Variants in TAFA4 observed in about 807,000 individuals in gnomAD.
TAFA4 encodes TAFA chemokine like family member 4.
In TAFA4, 20 loss-of-function variants were observed where a neutral mutation model predicts 21.1. That is an observed-to-expected ratio of 0.95 (90% confidence interval 0.67 to 1.38). The LOEUF (loss-of-function observed/expected upper bound fraction) is 1.38. Among genes scored for constraint, TAFA4 ranks in the 40% most tolerant of loss-of-function variants. The probability of loss-of-function intolerance (pLI) is 0.00; values close to 1 mark genes in which losing one functional copy is unlikely to be tolerated. For synonymous variants in TAFA4, 71 were observed against 67.4 expected (o/e 1.05, Z -0.26); for missense variants, 211 against 180.9 (o/e 1.17, Z -0.95).
chr3:68,882,324 T>TAAAA (rs11395664), intron 2 of TAFA4, among the ~76,000 whole-genome samples: 1 of 147,030 alleles, frequency 6.8e-6, no homozygotes, highest in Admixed American at 6.8e-5. Flanking sequence ...ATCTGTGCTT[T>TAAAA]AAAAAAAAAA....
At chr3:68,906,675 A>C (rs1255199681) in intron 1 of TAFA4, among the ~76,000 whole-genome samples, 2 of 152,078 alleles carry the variant, frequency 1.3e-5, no homozygotes, top group Non-Finnish European at 2.9e-5. Flanking sequence ...CTGGTGTTTT[A>C]AAGGTGCTGC....
chr3:68,900,477 C>T (rs1467099195), intron 1 of TAFA4, among the ~76,000 whole-genome samples: 17 of 151,976 alleles, frequency 1.1e-4, no homozygotes. Context: ...CTTCTGTCCT[C>T]CACTAAGTTA....
chr3:68,834,017 C>A (rs1176752433), intron 3 of TAFA4, among the ~76,000 whole-genome samples: 1 of 152,184 alleles, frequency 6.6e-6, no homozygotes, highest in African/African-American at 2.4e-5. Flanking sequence ...CTTCATGCTC[C>A]ATTAGCCAGA....
At chr3:68,905,628 G>A (rs1036688608) in intron 1 of TAFA4, among the ~76,000 whole-genome samples, 1 of 152,158 alleles carries the variant, frequency 6.6e-6, no homozygotes, top group Non-Finnish European at 1.5e-5. Context: ...GAGCCTAAAT[G>A]ACAAGGAGGA....
intron 1 of TAFA4, among the ~76,000 whole-genome samples, chr3:68,914,343 A>G (rs2089985235): frequency 6.6e-6 from 1 of 152,174 alleles, no homozygotes; most frequent in Non-Finnish European, 1.5e-5. Flanking sequence ...AGGGTTACAA[A>G]GGACCAATCT....
intron 3 of TAFA4, among the ~76,000 whole-genome samples, chr3:68,786,542 T>C (rs1703265836): frequency 6.6e-6 from 1 of 152,268 alleles, no homozygotes; most frequent in Non-Finnish European, 1.5e-5. Context: ...TAAATGTTTA[T>C]ATACACTTTC....
At chr3:68,801,610 C>T (rs1203653572) in intron 3 of TAFA4, among the ~76,000 whole-genome samples, 3 of 152,320 alleles carry the variant, frequency 2.0e-5, no homozygotes, top group East Asian at 3.9e-4. Flanking sequence ...CGTGGCAATT[C>T]ATTTAGGTCT....
chr3:68,748,189 A>C (rs988771145), intron 4 of TAFA4, among the ~76,000 whole-genome samples: 1 of 152,262 alleles, frequency 6.6e-6, no homozygotes, highest in East Asian at 1.9e-4. Flanking sequence ...GGTCAGGCAC[A>C]AAGGTGCCAA....
At chr3:68,846,726 T>C (rs931434404) in intron 3 of TAFA4, among the ~76,000 whole-genome samples, 3 of 152,174 alleles carry the variant, frequency 2.0e-5, no homozygotes, top group African/African-American at 7.2e-5. Flanking sequence ...TTTTTGTTGA[T>C]GTTGATGCTA....
chr3:68,898,789 CA>C (rs1213413922), intron 1 of TAFA4, among the ~76,000 whole-genome samples: 1 of 152,118 alleles, frequency 6.6e-6, no homozygotes, highest in East Asian at 1.9e-4. Context: ...CTCTGTTTAA[CA>C]GGAGAGAAAA....
At chr3:68,852,721 A>T (rs1457125122) in intron 3 of TAFA4, among the ~76,000 whole-genome samples, 1 of 152,306 alleles carries the variant, frequency 6.6e-6, no homozygotes, top group Non-Finnish European at 1.5e-5. Flanking sequence ...CTAGCCTTAA[A>T]TCCTTAGTCA....
At position 68,838,181 on chromosome 3, in the gene TAFA4, A is replaced by T. The variant is rs189617222; in HGVS notation, c.130+42549T>A. Reference sequence around the variant, plus strand: ...AGAAAGTAACAGCAAAAAACCCAATAACTTTTGCACCAACCTAATAAAATA... The same window carrying T: ...AGAAAGTAACAGCAAAAAACCCAATTACTTTTGCACCAACCTAATAAAATA... On this transcript the variant is annotated intron_variant, in intron 3 of 5. Coordinates refer to ENST00000295569, the MANE Select transcript of TAFA4 (RefSeq NM_182522.5). Among the ~76,000 whole-genome samples the T allele has an allele frequency of 1.8e-3, 279 of 152,278 alleles. 2 individuals carry two copies. Among genetic ancestry groups the T allele is most frequent in the African/African-American group, 6.5e-3 (268 of 41,550 alleles).
At chr3:68,854,986 T>C (rs1349420847) in intron 3 of TAFA4, among the ~76,000 whole-genome samples, 1 of 152,140 alleles carries the variant, frequency 6.6e-6, no homozygotes, top group Non-Finnish European at 1.5e-5. Flanking sequence ...ACACCCTTGG[T>C]TCCAAACCCA....
chr3:68,861,360 G>A (rs577544429), intron 3 of TAFA4, among the ~76,000 whole-genome samples: 123 of 151,868 alleles, frequency 8.1e-4, no homozygotes, highest in African/African-American at 2.9e-3. Flanking sequence ...ACAGGCTGCA[G>A]GAAAAATTAC....
intron 3 of TAFA4, among the ~76,000 whole-genome samples, chr3:68,840,288 G>A (rs998278203): frequency 6.6e-6 from 1 of 152,152 alleles, no homozygotes; most frequent in Non-Finnish European, 1.5e-5. Context: ...GCTCACTGCA[G>A]CCCCGACCTC....
At chr3:68,767,764 C>T (rs142878195) in intron 3 of TAFA4, among the ~76,000 whole-genome samples, 1 of 151,840 alleles carries the variant, frequency 6.6e-6, no homozygotes, top group African/African-American at 2.4e-5. Flanking sequence ...ATAGGTAAGT[C>T]CTTATATGTA....
chr3:68,835,463 T>G (rs773511594), intron 3 of TAFA4, among the ~76,000 whole-genome samples: 1 of 152,216 alleles, frequency 6.6e-6, no homozygotes, highest in Non-Finnish European at 1.5e-5. Context: ...TAAAAACAAA[T>G]GCATTTCTTC....
chr3:68,828,343 T>C (rs1320451210), intron 3 of TAFA4, among the ~76,000 whole-genome samples: 4 of 152,198 alleles, frequency 2.6e-5, no homozygotes, highest in Non-Finnish European at 5.9e-5. Flanking sequence ...TGGCTAAGAA[T>C]TGTCTTGCCT....
At chr3:68,817,362 T>C (rs1220707668) in intron 3 of TAFA4, among the ~76,000 whole-genome samples, 4 of 152,172 alleles carry the variant, frequency 2.6e-5, no homozygotes, top group African/African-American at 9.6e-5. Flanking sequence ...CATCTGCAGT[T>C]ACTTCCTCCA....
Sources: allele counts gnomAD v4.1 joint callset (sites outside exome capture counted in the v4.1 genomes callset), GRCh38; gene constraint gnomAD v4.1.1; transcripts MANE v1.5; gene names NCBI Gene and HGNC (gene_info 2026-07-23, HGNC 2026-07-21).